FN1: variants seen among roughly 807,000 people sequenced by gnomAD.
FN1 encodes the protein fibronectin.
In FN1, 106 loss-of-function variants were observed where a neutral mutation model predicts 297.3. The observed-to-expected ratio is 0.36, with a 90% CI of 0.30 to 0.42. The LOEUF is 0.42. FN1 is among the 10% of genes least tolerant of loss of function. The pLI is 1.00. For synonymous variants in FN1, 1,149 were observed against 1,152.6 expected (o/e 1.00, Z 0.06); for missense variants, 2,690 against 3,124.9 (o/e 0.86, Z 3.32).
chr2:215,365,046 T>TC, intron 43 of FN1, 61 bp from the exon 44 acceptor site: 1 of 1,073,142 alleles, frequency 9.3e-7, no homozygotes, highest in Non-Finnish European at 1.4e-6. Flanking sequence ...AGACTTGATC[T>TC]AGGGGTGGGT....
At chr2:215,370,713 G>A (rs2055835899) in intron 40 of FN1, among the ~76,000 whole-genome samples, 1 of 152,110 alleles carries the variant, frequency 6.6e-6, no homozygotes, top group African/African-American at 2.4e-5. Flanking sequence ...GAGACGGCCT[G>A]CCATTGATCT....
intron 24 of FN1, 80 bp downstream of exon 24, chr2:215,394,448 A>G (rs2060067827): frequency 1.1e-5 from 13 of 1,183,490 alleles, no homozygotes; most frequent in Non-Finnish European, 1.5e-5. Flanking sequence ...TGACACCCTT[A>G]AGCATCTGGG....
At chr2:215,370,045 A>G (rs1415215641) in intron 41 of FN1, among the ~76,000 whole-genome samples, 1 of 152,252 alleles carries the variant, frequency 6.6e-6, no homozygotes, top group African/African-American at 2.4e-5. Context: ...AATCCCTTCC[A>G]GATCTATAAT....
At chr2:215,421,680 A>G (rs2064406737) in intron 10 of FN1, among the ~76,000 whole-genome samples, 1 of 152,200 alleles carries the variant, frequency 6.6e-6, no homozygotes. Flanking sequence ...TTAGTCCCCT[A>G]TGTATTTGTT....
chr2:215,368,046 A>G lies in FN1; in HGVS notation c.6854-19T>C. 1.2e-6 allele frequency: 2 copies of G among 1,613,754 alleles called. No homozygotes were observed. On this transcript the variant is annotated intron_variant, in intron 41 of 45. Coordinates refer to ENST00000354785, the MANE Select transcript of FN1 (RefSeq NM_212482.4). ...TCGTTGACTATGAAGAAAAGGAAGA[A>G]AAAGCAAAAAGAGACATCTTATTAA...
At chr2:215,392,783 A>AT in intron 25 of FN1, 148 bp downstream of exon 25, 1 of 838,096 alleles carries the variant, frequency 1.2e-6, no homozygotes, top group Non-Finnish European at 2.0e-6. Context: ...TAGCAGATGC[A>AT]TTTGATTCCT....
At chr2:215,397,085 T>C in intron 23 of FN1, 52 bp downstream of exon 23, 5 of 1,117,228 alleles carry the variant, frequency 4.5e-6, no homozygotes, top group Middle Eastern at 3.9e-4. Context: ...CTAAAATCTT[T>C]GTCTTGGGAA....
At position 215,383,616 on chromosome 2, in the gene FN1, T is replaced by C; in HGVS notation, c.4895-133A>G. On this transcript the variant is annotated intron_variant, in intron 30 of 45. Coordinates refer to ENST00000354785, the MANE Select transcript of FN1 (RefSeq NM_212482.4). ...AGAAAGGTATTTCTTCTCGAAAGAA[T>C]ACAGAGAGAGCTTTTAGAGGGATGG... is the stretch of plus-strand genomic sequence containing the variant. 3.1e-6 allele frequency: 3 copies of C among 973,020 alleles called. No individual in the cohort carries two copies. The South Asian group carries it at 4.0e-5, about 13-fold the overall frequency. 60.3% of individuals were successfully genotyped at this position (973,020 alleles called of 1,614,324 possible). A position where few individuals can be genotyped will look rare whatever the true frequency, so the allele number is the denominator to read the frequency against.
intron 9 of FN1, among the ~76,000 whole-genome samples, chr2:215,422,478 G>T (rs573389694): frequency 1.3e-5 from 2 of 151,790 alleles, no homozygotes; most frequent in African/African-American, 4.8e-5. Context: ...AAGGGTTAGG[G>T]GATGTTAAAC....
At position 215,425,699 on chromosome 2, in the gene FN1, C is replaced by G. The variant is rs148700104; in HGVS notation, c.845-414G>C. Among the ~76,000 whole-genome samples, 3 of 152,044 alleles carry G rather than the reference C, an allele frequency of 2.0e-5. No homozygotes were observed. The South Asian group carries it at 6.2e-4, about 32-fold the overall frequency. ...TCCCAAGTAGCTGCAATTACAGGCA[C>G]GCACCACCATGCCCAGCTGATTTTT... is the stretch of plus-strand genomic sequence containing the variant. On this transcript the variant is annotated intron_variant, in intron 6 of 45. Transcript: ENST00000354785.
intron 28 of FN1, among the ~76,000 whole-genome samples, chr2:215,386,425 A>T (rs1369196780): frequency 6.6e-6 from 1 of 151,956 alleles, no homozygotes; most frequent in Non-Finnish European, 1.5e-5. Flanking sequence ...ATGCATAAAT[A>T]CCCAAATCAG....
At chr2:215,430,606 GC>G in intron 5 of FN1, 108 bp downstream of exon 5, 1 of 1,300,208 alleles carries the variant, frequency 7.7e-7, no homozygotes, top group Non-Finnish European at 1.1e-6. Context: ...AGTTACCAAA[GC>G]ATGCTGATAT....
At chr2:215,433,482 C>T (rs2066893270) in intron 2 of FN1, 21 bp from the exon 3 acceptor site, 1 of 1,611,166 alleles carries the variant, frequency 6.2e-7, no homozygotes, top group African/African-American at 1.3e-5. Context: ...AAGGAAAGTC[C>T]ATGTGAGCCT....
intron 23 of FN1, among the ~76,000 whole-genome samples, 192 bp from the exon 24 acceptor site, chr2:215,394,911 A>T (rs562848082): frequency 1.3e-5 from 2 of 152,088 alleles, no homozygotes; most frequent in South Asian, 4.2e-4. Flanking sequence ...TTATTTTTTT[A>T]TTTTTATTTT....
intron 44 of FN1, chr2:215,364,480 ACAT>A: frequency 3.4e-6 from 1 of 292,204 alleles, no homozygotes; most frequent in South Asian, 3.6e-5. Context: ...GAAATGAAAC[ACAT>A]TCTATTTACC....
At chr2:215,412,812 A>T (rs764224027) in intron 13 of FN1, among the ~76,000 whole-genome samples, 1 of 116,366 alleles carries the variant, frequency 8.6e-6, no homozygotes. Flanking sequence ...CCATCTCTCA[A>T]TTCTCTATTT....
intron 13 of FN1, among the ~76,000 whole-genome samples, chr2:215,412,186 CTTTTCT>C (rs973041875): frequency 4.3e-5 from 4 of 92,376 alleles, no homozygotes; most frequent in Non-Finnish European, 7.3e-5. Context: ...AAAAGAATGA[CTTTTCT>C]TTTTTTTTTT....
intron 40 of FN1, 22 bp from the exon 41 acceptor site, chr2:215,370,454 A>T (rs1252801611): frequency 6.2e-7 from 1 of 1,612,132 alleles, no homozygotes; most frequent in Non-Finnish European, 8.5e-7. Flanking sequence ...GGTACATCCA[A>T]AGCAGAGAGA....
intron 19 of FN1, 134 bp downstream of exon 19, chr2:215,406,104 C>CATTAT (rs1182253802): frequency 1.2e-5 from 11 of 882,152 alleles, no homozygotes; most frequent in Non-Finnish European, 1.9e-5. Flanking sequence ...GTTCACTATG[C>CATTAT]ATTCCCTTGC....
Sources: gnomAD v4.1 joint callset for allele counts (sites outside exome capture counted in the v4.1 genomes callset) on GRCh38, gnomAD v4.1.1 for gene constraint, MANE v1.5 for transcripts, NCBI Gene and HGNC (gene_info 2026-07-23, HGNC 2026-07-21) for gene names.